Variants in PAK4 observed in about 807,000 individuals in gnomAD.
PAK4 encodes the protein serine/threonine-protein kinase PAK 4.
PAK4 carries 49 observed loss-of-function variants against 53.5 expected under a neutral mutation model. That is an observed-to-expected ratio of 0.92 (90% CI 0.73 to 1.16). PAK4 has a LOEUF of 1.16. Among genes scored for constraint, PAK4 ranks in the 50% most tolerant of loss-of-function variants. The pLI is 0.00. For synonymous variants in PAK4, 376 were observed against 375.6 expected, an observed-to-expected ratio of 1.00 and a Z score of -0.01; for missense variants, 824 against 850.7, an observed-to-expected ratio of 0.97 and a Z score of 0.39.
At chr19:39,139,021 G>C (rs370842669) in intron 1 of PAK4, among the ~76,000 whole-genome samples, 1 of 152,144 alleles carries the variant, frequency 6.6e-6, no homozygotes, top group Non-Finnish European at 1.5e-5. Context: ...GATTACAGCC[G>C]ATTCCTCCCC....
chr19:39,164,810 C>T (rs564642445), intron 1 of PAK4, among the ~76,000 whole-genome samples: 6 of 152,270 alleles, frequency 3.9e-5, no homozygotes, highest in African/African-American at 9.6e-5. Context: ...GGCCACTCCA[C>T]CGTGGTTGAG....
At chr19:39,137,960 C>T (rs1052223002) in intron 1 of PAK4, among the ~76,000 whole-genome samples, 5 of 148,180 alleles carry the variant, frequency 3.4e-5, no homozygotes, top group Non-Finnish European at 7.5e-5. Flanking sequence ...GCCACTGTGC[C>T]TAGTGTCTTA....
At position 39,161,415 on chromosome 19, in the gene PAK4, A is replaced by C. The variant is rs1165914011; in HGVS notation, c.-22-8117A>C. The stretch of plus-strand genomic sequence containing the variant: ...AGGCCAAGCCCCTGCCTATGAGCTC[A>C]CGCTGCAGCCCTCGGCCAGTCCTGC... On this transcript the variant is annotated intron_variant, in intron 1 of 8. Transcript: ENST00000358301. The surrounding 1 kb of genome is among the most constrained non-coding windows in gnomAD (Gnocchi z 4.5). Among the ~76,000 whole-genome samples the C allele has an allele frequency of 2.0e-5, 3 of 152,112 alleles. No individual in the cohort carries two copies. The highest frequency in any genetic ancestry group is 7.2e-5 in the African/African-American group (3 of 41,436).
intron 1 of PAK4, among the ~76,000 whole-genome samples, chr19:39,136,269 C>T (rs935889538): frequency 6.6e-6 from 1 of 151,702 alleles, no homozygotes; most frequent in Non-Finnish European, 1.5e-5. Context: ...CAGAGGTAGC[C>T]GTGCACACCT....
At chr19:39,147,099 T>G (rs879292032) in intron 1 of PAK4, among the ~76,000 whole-genome samples, 91,682 of 151,208 alleles carry the variant, frequency 0.61, 28,115 homozygotes, top group East Asian at 0.82. Context: ...TCAATGACAA[T>G]GTCATTGACA....
intron 1 of PAK4, among the ~76,000 whole-genome samples, chr19:39,155,699 T>A (rs1045748524): frequency 2.6e-5 from 4 of 152,112 alleles, no homozygotes; most frequent in Admixed American, 2.0e-4. Context: ...GCCTCATGCT[T>A]GGAGCAGCTG....
chr19:39,137,308 G>A (rs540051801), intron 1 of PAK4, among the ~76,000 whole-genome samples: 14 of 152,214 alleles, frequency 9.2e-5, no homozygotes, highest in Non-Finnish European at 1.5e-4. Context: ...AGAAGGCCTG[G>A]TGTGACCTTG....
At chr19:39,155,211 G>C (rs2074158609) in intron 1 of PAK4, among the ~76,000 whole-genome samples, 3 of 152,180 alleles carry the variant, frequency 2.0e-5, no homozygotes, top group Non-Finnish European at 4.4e-5. Flanking sequence ...GGAGTCCCTG[G>C]TAGAGCCCCT....
chr19:39,172,294 A>T (rs2074496533), intron 2 of PAK4, among the ~76,000 whole-genome samples: 1 of 151,848 alleles, frequency 6.6e-6, no homozygotes, highest in South Asian at 2.1e-4. Context: ...GCAGGACACG[A>T]CTCAGACCAC....
intron 1 of PAK4, among the ~76,000 whole-genome samples, chr19:39,131,690 C>T (rs2073714519): frequency 6.6e-6 from 1 of 152,230 alleles, no homozygotes; most frequent in Non-Finnish European, 1.5e-5. Flanking sequence ...TGAAGCCTCT[C>T]TCCTGGGACC....
chr19:39,173,805 G>T lies in PAK4; in HGVS notation c.893G>T (p.Arg298Leu). Residue 298 changes from arginine to leucine, a missense_variant, in exon 4 of 9, where the codon CGA (arginine) becomes CTA (leucine). Arg to Leu is a moderately radical substitution (Grantham distance 102). Coordinates refer to ENST00000358301, the Ensembl canonical transcript of PAK4. This position sits in a 1 kb window ranked among gnomAD's most constrained non-coding sequence, Gnocchi z 6.9. ...CGCTCACCACAGCGGGAGCCACAGC[G>T]AGTATCCCATGAGCAGTTCCGGGCT... is the stretch of plus-strand genomic sequence containing the variant. The T allele has an allele frequency of 6.2e-7, 1 of 1,610,846 alleles. No homozygotes were observed. Among genetic ancestry groups the T allele is most frequent in the Non-Finnish European group, 8.5e-7 (1 of 1,179,382 alleles).
intron 2 of PAK4, among the ~76,000 whole-genome samples, chr19:39,170,011 C>T (rs1389596072): frequency 6.6e-6 from 1 of 152,150 alleles, no homozygotes; most frequent in African/African-American, 2.4e-5. Context: ...CCACACCAGC[C>T]TCCAAGCTCT....
Position 39,169,745 on chromosome 19 carries a change from C to T in PAK4, c.192C>T (p.Pro64=), listed in dbSNP as rs141602417. The change falls in exon 2 of 9, where the codon CCC becomes CCT. Residue 64 remains proline (P), a synonymous_variant. Transcript: ENST00000358301. ...CCGCCTGCATCACCTCCATCCAGCC[C>T]GGGGCCCCCAAGGTATGTGGCACCC... 145 of 1,602,042 alleles carry T rather than the reference C, an allele frequency of 9.1e-5. No individual in the cohort carries two copies. In the African/African-American group the frequency reaches 1.3e-3, roughly 14 times the overall value.
intron 1 of PAK4, among the ~76,000 whole-genome samples, chr19:39,144,747 G>A (rs910718924): frequency 6.6e-6 from 1 of 152,074 alleles, no homozygotes; most frequent in Non-Finnish European, 1.5e-5. Flanking sequence ...TATGGTGGAA[G>A]TTAACAGCTT....
At chr19:39,182,476 A>C (rs898903634), downstream of PAK4, 1 of 152,250 alleles carries the variant, frequency 6.6e-6, no homozygotes, top group African/African-American at 2.4e-5. Context: ...ACCCAGAGGC[A>C]GACCCAGATG....
At position 39,175,254 on chromosome 19, in the gene PAK4, C is replaced by T. The variant is rs1332046952; in HGVS notation, c.1233-58C>T. On this transcript the variant is annotated intron_variant, in intron 5 of 8. Transcript: ENST00000358301. The surrounding 1 kb of genome is among the most constrained non-coding windows in gnomAD (Gnocchi z 4.7). The stretch of plus-strand genomic sequence containing the variant: ...CCCACTGCAAGGCAGGGCTGCGTCC[C>T]CCTCGGCACCCCGGGGTGCTGTCCA... 7 of 1,526,450 alleles carry T rather than the reference C, an allele frequency of 4.6e-6. No homozygotes were observed. Among genetic ancestry groups the T allele is most frequent in the African/African-American group, 1.4e-5 (1 of 72,990 alleles). The allele number at this position is 1,526,450 out of a possible 1,614,324, so 94.6% of individuals were successfully genotyped here. A position where few individuals can be genotyped will look rare whatever the true frequency, so the allele number is the denominator to read the frequency against.
intron 6 of PAK4, among the ~76,000 whole-genome samples, chr19:39,176,064 G>A (rs1206592330): frequency 2.6e-5 from 4 of 152,208 alleles, no homozygotes; most frequent in African/African-American, 7.2e-5. Context: ...GTCCACACAC[G>A]GTTGTGGGGA....
In PAK4 at chr19:39,175,550, C is replaced by G; in HGVS notation, c.1359+112C>G. ...TGAGCTCTGACCCCCAGGTCTGTGT[C>G]TTGAGGAGCTGGGAACTTCGTCCCT... On this transcript the variant is annotated intron_variant, in intron 6 of 8. Coordinates refer to ENST00000358301, the Ensembl canonical transcript of PAK4. The surrounding 1 kb of genome is among the most constrained non-coding windows in gnomAD (Gnocchi z 4.7). 8.4e-7 allele frequency: 1 copy of G among 1,186,494 alleles called. No homozygotes were observed. Among genetic ancestry groups the G allele is most frequent in the Non-Finnish European group, 1.2e-6 (1 of 848,828 alleles). The allele number at this position is 1,186,494 out of a possible 1,614,324, so 73.5% of individuals were successfully genotyped here.
chr19:39,150,464 CCT>C (rs2074075620), intron 1 of PAK4, among the ~76,000 whole-genome samples: 1 of 152,138 alleles, frequency 6.6e-6, no homozygotes, highest in Admixed American at 6.5e-5. Context: ...GGTCTGTCCC[CCT>C]CTCTCCACTG....
Sources: allele counts gnomAD v4.1 joint callset (sites outside exome capture counted in the v4.1 genomes callset), GRCh38; gene constraint gnomAD v4.1.1; non-coding constraint Gnocchi (gnomAD v3.1); transcripts MANE v1.5; gene names NCBI Gene and HGNC (gene_info 2026-07-23, HGNC 2026-07-21).